PCDH7: variants seen among roughly 807,000 people sequenced by gnomAD.
PCDH7 encodes the protein protocadherin 7.
PCDH7 carries 17 observed loss-of-function variants against 58.9 expected under a neutral mutation model. The ratio of observed to expected loss-of-function variants is 0.29; its 90% CI spans 0.20 to 0.43. The LOEUF is 0.43. Among genes scored for constraint, PCDH7 ranks in the 20% least tolerant of loss-of-function variants. The pLI is 1.00. For missense variants in PCDH7, 1,274 were observed against 1,441.0 expected (o/e 0.88, Z 1.88); for synonymous variants, 664 against 616.4 (o/e 1.08, Z -1.14).
At chr4:30,825,153 C>G (rs370502738) in intron 1 of PCDH7, among the ~76,000 whole-genome samples, 7 of 152,072 alleles carry the variant, frequency 4.6e-5, no homozygotes, top group African/African-American at 1.4e-4. Flanking sequence ...ACATTAGACA[C>G]TAGGTAATAT....
intron 3 of PCDH7, among the ~76,000 whole-genome samples, chr4:31,104,477 A>T (rs1715303234): frequency 6.6e-6 from 1 of 152,220 alleles, no homozygotes; most frequent in Non-Finnish European, 1.5e-5. Context: ...ACTTAATTGA[A>T]TCAATGCTTA....
At chr4:30,810,669 TG>T (rs1178015572) in intron 1 of PCDH7, among the ~76,000 whole-genome samples, 10 of 151,388 alleles carry the variant, frequency 6.6e-5, no homozygotes, top group Admixed American at 6.6e-4. Flanking sequence ...TGGAGTGCAG[TG>T]GTGCAATCTC....
chr4:30,810,968 T>G (rs1387096511), intron 1 of PCDH7, among the ~76,000 whole-genome samples: 4 of 152,228 alleles, frequency 2.6e-5, no homozygotes, highest in African/African-American at 9.6e-5. Context: ...TCTTGTGGTT[T>G]ATACTTAAAC....
intron 1 of PCDH7, among the ~76,000 whole-genome samples, chr4:30,805,481 C>T (rs967910215): frequency 3.3e-5 from 5 of 152,144 alleles, no homozygotes; most frequent in Admixed American, 3.3e-4. Context: ...TAAGTAAATA[C>T]ATATAAAAGT....
chr4:30,951,878 G>A (rs1412162993), intron 3 of PCDH7, among the ~76,000 whole-genome samples: 2 of 152,110 alleles, frequency 1.3e-5, no homozygotes, highest in Non-Finnish European at 2.9e-5. Flanking sequence ...CACCTCTTGA[G>A]TTACTAGAGG....
intron 1 of PCDH7, among the ~76,000 whole-genome samples, chr4:30,727,890 G>A (rs976859629): frequency 1.3e-5 from 2 of 151,772 alleles, no homozygotes; most frequent in Non-Finnish European, 3.0e-5. Context: ...GAATTCTATT[G>A]AGCTTATCCT....
intron 1 of PCDH7, among the ~76,000 whole-genome samples, chr4:30,851,482 T>C (rs1732736857): frequency 6.6e-6 from 1 of 151,828 alleles, no homozygotes; most frequent in South Asian, 2.1e-4. Context: ...TGTTTATGGT[T>C]TTCTGACTTA....
chr4:31,123,397 A>AC (rs1717915797), intron 3 of PCDH7, among the ~76,000 whole-genome samples: 1 of 152,070 alleles, frequency 6.6e-6, no homozygotes, highest in Admixed American at 6.5e-5. Flanking sequence ...AGATCACTTG[A>AC]CCCCCTTGGA....
chr4:30,886,788 C>T (rs1046213159), intron 1 of PCDH7, among the ~76,000 whole-genome samples: 4 of 150,818 alleles, frequency 2.7e-5, no homozygotes, highest in African/African-American at 9.8e-5. Context: ...GAATACTATG[C>T]AGCCATAAAA....
At chr4:30,934,301 G>T (rs1288819231) in intron 2 of PCDH7, among the ~76,000 whole-genome samples, 1 of 152,070 alleles carries the variant, frequency 6.6e-6, no homozygotes, top group East Asian at 1.9e-4. Flanking sequence ...TTGCTCATGG[G>T]TTTAGAGATC....
chr4:31,142,211 C>T (rs1267299161), intron 3 of PCDH7, among the ~76,000 whole-genome samples: 1 of 152,126 alleles, frequency 6.6e-6, no homozygotes, highest in African/African-American at 2.4e-5. Flanking sequence ...AACAAACACA[C>T]ATATATCTGT....
chr4:30,847,582 A>G (rs1350018613), intron 1 of PCDH7, among the ~76,000 whole-genome samples: 1 of 152,184 alleles, frequency 6.6e-6, no homozygotes, highest in Non-Finnish European at 1.5e-5. Context: ...CAACCAAGTG[A>G]ACATGGAATT....
chr4:30,762,340 T>C (rs1720134925), intron 1 of PCDH7, among the ~76,000 whole-genome samples: 1 of 152,176 alleles, frequency 6.6e-6, no homozygotes, highest in Non-Finnish European at 1.5e-5. Flanking sequence ...TTGTTTTAAA[T>C]ATATGAATGA....
intron 1 of PCDH7, among the ~76,000 whole-genome samples, chr4:30,845,626 C>T (rs1731832296): frequency 6.6e-6 from 1 of 152,144 alleles, no homozygotes; most frequent in Non-Finnish European, 1.5e-5. Flanking sequence ...AAGACAAGGT[C>T]TACTTCTGTC....
intron 3 of PCDH7, among the ~76,000 whole-genome samples, chr4:31,032,794 A>C (rs897735330): frequency 1.3e-5 from 2 of 152,040 alleles, no homozygotes; most frequent in Non-Finnish European, 2.9e-5. Flanking sequence ...TCAAAATTCA[A>C]ATCTTGAAAC....
intron 3 of PCDH7, among the ~76,000 whole-genome samples, chr4:30,989,483 G>T (rs1751273847): frequency 6.6e-6 from 1 of 152,144 alleles, no homozygotes; most frequent in Admixed American, 6.6e-5. Flanking sequence ...TGTCTGTGTA[G>T]TGTCTGTAAT....
At chr4:30,752,783 C>CAAAAAAAAAA (rs35860745) in intron 1 of PCDH7, among the ~76,000 whole-genome samples, 64 of 99,262 alleles carry the variant, frequency 6.4e-4, no homozygotes, top group South Asian at 1.0e-3. Context: ...CCTGTAGGGG[C>CAAAAAAAAAA]AAAAAAAAAA....
intron 3 of PCDH7, among the ~76,000 whole-genome samples, chr4:31,007,590 T>G (rs1362123607): frequency 6.6e-6 from 1 of 151,972 alleles, no homozygotes; most frequent in Non-Finnish European, 1.5e-5. Flanking sequence ...TTTATGGTTT[T>G]TTTTTTTTTT....
intron 1 of PCDH7, among the ~76,000 whole-genome samples, chr4:30,742,910 G>T (rs758270193): frequency 9.9e-5 from 15 of 152,158 alleles, no homozygotes; most frequent in Non-Finnish European, 1.6e-4. Context: ...TGGCTAGGAC[G>T]CAGATACAGA....
Sources: allele counts gnomAD v4.1 joint callset (sites outside exome capture counted in the v4.1 genomes callset), GRCh38; gene constraint gnomAD v4.1.1; transcripts MANE v1.5; gene names NCBI Gene and HGNC (gene_info 2026-07-23, HGNC 2026-07-21).